The following C11orf71 variants were observed in gnomAD, a reference collection of about 807,000 sequenced individuals.
C11orf71 encodes the protein chromosome 11 open reading frame 71.
For synonymous variants in C11orf71, 72 were observed against 73.4 expected, an observed-to-expected ratio of 0.98 and a Z score of 0.09; for missense variants, 179 against 167.6, an observed-to-expected ratio of 1.07 and a Z score of -0.38.
At chr11:114,392,552 A>AG (rs1946081452) in intron 1 of C11orf71, among the ~76,000 whole-genome samples, 1 of 122,414 alleles carries the variant, frequency 8.2e-6, no homozygotes, top group African/African-American at 3.2e-5. Flanking sequence ...AAAAAAAAAG[A>AG]AGAAGAAGAA....
At chr11:114,398,185 T>G (rs1946142308), downstream of C11orf71, among the ~76,000 whole-genome samples, 2 of 152,210 alleles carry the variant, frequency 1.3e-5, no homozygotes, top group Non-Finnish European at 2.9e-5. Context: ...AGTCTAACAC[T>G]CTGTTTATAG....
At chr11:114,394,337 CAGGCTGG>C (rs1418535139), downstream of C11orf71, among the ~76,000 whole-genome samples, 1 of 146,522 alleles carries the variant, frequency 6.8e-6, no homozygotes, top group East Asian at 2.0e-4. Context: ...CTCTGTTGCC[CAGGCTGG>C]AGTGCAGTGG....
At chr11:114,394,236 TC>T (rs1946103862), downstream of C11orf71, among the ~76,000 whole-genome samples, 4 of 52,642 alleles carry the variant, frequency 7.6e-5, no homozygotes, top group African/African-American at 7.6e-4. Context: ...TTCTTTCTTT[TC>T]TTTTCTTTTC....
chr11:114,397,838 T>G (rs1452812157), downstream of C11orf71, among the ~76,000 whole-genome samples: 1 of 152,210 alleles, frequency 6.6e-6, no homozygotes, highest in Non-Finnish European at 1.5e-5. Context: ...GATGGCACCC[T>G]CTTCCACTCC....
At chr11:114,392,304 G>A (rs948540938) in intron 1 of C11orf71, among the ~76,000 whole-genome samples, 3 of 151,934 alleles carry the variant, frequency 2.0e-5, no homozygotes, top group African/African-American at 7.3e-5. Context: ...TTGGGAGGCC[G>A]AGGCGAGTGG....
At chr11:114,394,272 C>CTT (rs1169804475), downstream of C11orf71, among the ~76,000 whole-genome samples, 3 of 64,580 alleles carry the variant, frequency 4.6e-5, no homozygotes, top group Admixed American at 1.9e-4. Context: ...CTTTTCTTTT[C>CTT]TTTTCTTTTC....
At chr11:114,396,820 T>C (rs1299788612), downstream of C11orf71, among the ~76,000 whole-genome samples, 1 of 152,222 alleles carries the variant, frequency 6.6e-6, no homozygotes, top group African/African-American at 2.4e-5. Context: ...TTAATTCTGC[T>C]GGAAAGAAAG....
chr11:114,394,174 GTTTCGTTTCTTTTCTTTTCTTTTCT>G (rs1310911720), downstream of C11orf71, among the ~76,000 whole-genome samples: 5 of 77,520 alleles, frequency 6.4e-5, no homozygotes, highest in South Asian at 7.9e-4. Flanking sequence ...TAGAGACGGG[GTTTCGTTTCTTTTCTTTTCTTTTCT>G]TTTCTTTTCT....
In C11orf71 at chr11:114,392,689, G is replaced by T. The variant is rs886459132; in HGVS notation, c.344-1024C>A. ...AAGGTTACAGTGAGCCATGATCACC[G>T]CACTGCACCCCAGAGCCTGAGCAAT... is the stretch of plus-strand genomic sequence containing the variant. On this transcript the variant is annotated intron_variant, in intron 1 of 1. Coordinates refer to the C11orf71 transcript ENST00000325636. Among the ~76,000 whole-genome samples, 6 of 148,632 alleles carry T rather than the reference G, an allele frequency of 4.0e-5. No homozygotes were observed. In the East Asian group the frequency reaches 1.2e-3, roughly 29 times the overall value.
downstream of C11orf71, among the ~76,000 whole-genome samples, chr11:114,394,252 CTTTTCTTTTCT>C (rs1565256629): frequency 1.5e-5 from 1 of 66,636 alleles, no homozygotes; most frequent in Non-Finnish European, 2.5e-5. Flanking sequence ...CTTTTCTTTT[CTTTTCTTTTCT>C]TTTCTTTTCT....
chr11:114,394,228 CTTTCTTTTCT>C (rs368913754), downstream of C11orf71, among the ~76,000 whole-genome samples: 94 of 48,690 alleles, frequency 1.9e-3, 1 homozygote, highest in South Asian at 3.3e-3. Flanking sequence ...CTTTTCTTTT[CTTTCTTTTCT>C]TTTCTTTTCT....
downstream of C11orf71, among the ~76,000 whole-genome samples, chr11:114,396,086 C>A (rs575561759): frequency 6.6e-6 from 1 of 152,186 alleles, no homozygotes; most frequent in Non-Finnish European, 1.5e-5. Context: ...TTACCAAAGT[C>A]TGACACACTA....
chr11:114,394,279 T>TCTCTTCTC (rs1565256759), downstream of C11orf71, among the ~76,000 whole-genome samples: 1 of 87,842 alleles, frequency 1.1e-5, no homozygotes, highest in African/African-American at 6.4e-5. Flanking sequence ...TTTCTTTTCT[T>TCTCTTCTC]TTCTTTTCTC....
intron 1 of C11orf71, among the ~76,000 whole-genome samples, chr11:114,393,033 T>C (rs1327939718): frequency 6.6e-6 from 1 of 152,218 alleles, no homozygotes; most frequent in Non-Finnish European, 1.5e-5. Flanking sequence ...GAAAGTAAAG[T>C]GGTACCTTTA....
downstream of C11orf71, among the ~76,000 whole-genome samples, chr11:114,394,218 CTTTTCTTTTCTTTCTTTTCT>C (rs1946100441): frequency 3.6e-5 from 2 of 55,466 alleles, no homozygotes; most frequent in Non-Finnish European, 6.1e-5. Context: ...CTTTTCTTTT[CTTTTCTTTTCTTTCTTTTCT>C]TTTCTTTTCT....
At chr11:114,394,314 A>T (rs1946113625), downstream of C11orf71, among the ~76,000 whole-genome samples, 2 of 87,746 alleles carry the variant, frequency 2.3e-5, no homozygotes, top group Admixed American at 1.5e-4. Flanking sequence ...TTTCTTTTTG[A>T]GACGGAGTCG....
chr11:114,394,237 CT>C (rs1318969754), downstream of C11orf71, among the ~76,000 whole-genome samples: 870 of 45,792 alleles, frequency 0.019, 42 homozygotes, highest in East Asian at 0.088. Context: ...TCTTTCTTTT[CT>C]TTTCTTTTCT....
chr11:114,396,882 T>G (rs1440704022), downstream of C11orf71, among the ~76,000 whole-genome samples: 2 of 152,210 alleles, frequency 1.3e-5, no homozygotes, highest in Non-Finnish European at 2.9e-5. Flanking sequence ...TTTCTTCTTC[T>G]TTTCTACCTT....
At chr11:114,396,021 C>T (rs1946128730), downstream of C11orf71, among the ~76,000 whole-genome samples, 1 of 152,210 alleles carries the variant, frequency 6.6e-6, no homozygotes, top group South Asian at 2.1e-4. Flanking sequence ...CCTTAGCCTA[C>T]AGCCTGGTAC....
Sources: gnomAD v4.1 joint callset for allele counts (sites outside exome capture counted in the v4.1 genomes callset) on GRCh38, gnomAD v4.1.1 for gene constraint, MANE v1.5 for transcripts, NCBI Gene and HGNC (gene_info 2026-07-23, HGNC 2026-07-21) for gene names.